The following XKR9 variants were observed in gnomAD, a reference collection of about 807,000 sequenced individuals.
XKR9 encodes the protein XK related 9, also known as XK-related protein 9.
A neutral mutation model predicts 32.0 loss-of-function variants in XKR9; 32 were observed. The observed-to-expected ratio is 1.00, with a 90% confidence interval of 0.76 to 1.34. XKR9 has a LOEUF of 1.34. XKR9 is among the 40% of genes most tolerant of loss of function. XKR9 has a pLI of 0.00. For synonymous variants in XKR9, 168 were observed against 143.4 expected (o/e 1.17, Z -1.22); for missense variants, 546 against 429.7 (o/e 1.27, Z -2.39).
chr8:70,942,484 G>A, the XKR9 span, among the ~76,000 whole-genome samples: 1 of 152,078 alleles, frequency 6.6e-6, no homozygotes, highest in Non-Finnish European at 1.5e-5. Flanking sequence ...TAGTCCAAGG[G>A]GTTGGGTGAA....
At chr8:70,744,247 G>T (rs572079169) in intron 2 of XKR9, among the ~76,000 whole-genome samples, 6 of 152,094 alleles carry the variant, frequency 3.9e-5, no homozygotes, top group Admixed American at 1.3e-4. Flanking sequence ...GGAGGCAGAA[G>T]CTGCAGTGAG....
chr8:70,800,418 A>G, the XKR9 span, among the ~76,000 whole-genome samples: 2 of 151,794 alleles, frequency 1.3e-5, no homozygotes, highest in Admixed American at 6.6e-5. Flanking sequence ...AGTTTTTTGG[A>G]ATATTTTTAG....
chr8:70,845,650 AG>A, the XKR9 span, among the ~76,000 whole-genome samples: 4 of 152,198 alleles, frequency 2.6e-5, no homozygotes, highest in South Asian at 8.3e-4. Flanking sequence ...GAAACAAAAA[AG>A]TCATTCAAGA....
At chr8:70,954,273 A>G in the XKR9 span, among the ~76,000 whole-genome samples, 18 of 152,186 alleles carry the variant, frequency 1.2e-4, no homozygotes, top group African/African-American at 4.3e-4. Flanking sequence ...TTTACCCCAG[A>G]GAGATGGGAG....
chr8:70,976,679 C>CT, the XKR9 span, among the ~76,000 whole-genome samples: 1 of 151,950 alleles, frequency 6.6e-6, no homozygotes, highest in Non-Finnish European at 1.5e-5. Context: ...CTAAAATTCT[C>CT]TTTTTTTGTT....
At chr8:70,907,124 T>C in the XKR9 span, among the ~76,000 whole-genome samples, 1 of 152,202 alleles carries the variant, frequency 6.6e-6, no homozygotes, top group Non-Finnish European at 1.5e-5. Context: ...AAAATGGATG[T>C]GTAAAATATG....
chr8:70,708,174 TG>T (rs1805785968), intron 4 of XKR9, among the ~76,000 whole-genome samples: 2 of 152,166 alleles, frequency 1.3e-5, no homozygotes, highest in African/African-American at 4.8e-5. Context: ...ATCTCTTTTT[TG>T]TGATGCAAAT....
chr8:70,700,955 C>G (rs924466023), intron 3 of XKR9, among the ~76,000 whole-genome samples: 1 of 152,198 alleles, frequency 6.6e-6, no homozygotes, highest in Non-Finnish European at 1.5e-5. Context: ...TGCTAGCAAT[C>G]AGCGAGACTC....
chr8:70,984,111 G>T, the XKR9 span, among the ~76,000 whole-genome samples: 2 of 152,232 alleles, frequency 1.3e-5, no homozygotes, highest in South Asian at 4.2e-4. Context: ...TCACTATGGG[G>T]GTGTCTTTCC....
At chr8:70,803,325 T>C in the XKR9 span, among the ~76,000 whole-genome samples, 3 of 152,194 alleles carry the variant, frequency 2.0e-5, no homozygotes, top group Non-Finnish European at 4.4e-5. Flanking sequence ...GGCCATTTAA[T>C]TTTTTATCTC....
the XKR9 span, among the ~76,000 whole-genome samples, chr8:70,890,123 T>A: frequency 6.6e-6 from 1 of 151,974 alleles, no homozygotes; most frequent in Non-Finnish European, 1.5e-5. Context: ...TTCTGAGTGA[T>A]GTGAGATGGT....
chr8:70,966,001 G>A, the XKR9 span, among the ~76,000 whole-genome samples: 2 of 152,004 alleles, frequency 1.3e-5, no homozygotes, highest in Admixed American at 6.6e-5. Context: ...TTTTAGTTGC[G>A]ATCTTAGGTT....
intron 2 of XKR9, among the ~76,000 whole-genome samples, chr8:70,784,915 G>T (rs887305947): frequency 6.6e-6 from 1 of 151,576 alleles, no homozygotes; most frequent in South Asian, 2.1e-4. Flanking sequence ...ATCATGAAAG[G>T]ATGTCGAATT....
intron 3 of XKR9, among the ~76,000 whole-genome samples, chr8:70,683,134 T>C (rs1479482155): frequency 6.6e-6 from 1 of 152,190 alleles, no homozygotes; most frequent in Non-Finnish European, 1.5e-5. Context: ...TAGTTTCTCT[T>C]AATTGCTTTG....
the XKR9 span, among the ~76,000 whole-genome samples, chr8:71,026,339 T>G: frequency 6.6e-6 from 1 of 152,230 alleles, no homozygotes; most frequent in Non-Finnish European, 1.5e-5. Flanking sequence ...AATCAATCTG[T>G]TTTTCCATTC....
chr8:70,858,729 A>C, the XKR9 span, among the ~76,000 whole-genome samples: 1 of 152,078 alleles, frequency 6.6e-6, no homozygotes, highest in Non-Finnish European at 1.5e-5. Flanking sequence ...GATTTTTGAC[A>C]AAGGTATCAA....
chr8:70,926,006 A>C, the XKR9 span, among the ~76,000 whole-genome samples: 32 of 152,230 alleles, frequency 2.1e-4, no homozygotes, highest in Non-Finnish European at 3.4e-4. Flanking sequence ...GTGGAACACT[A>C]ATGTCTTCAA....
chr8:70,723,887 CT>C (rs4008977), intron 4 of XKR9, among the ~76,000 whole-genome samples: 108 of 139,736 alleles, frequency 7.7e-4, no homozygotes, highest in Admixed American at 1.2e-3. Flanking sequence ...TAGGTGGGAA[CT>C]TTTTTTTTTT....
chr8:71,005,993 G>C, the XKR9 span, among the ~76,000 whole-genome samples: 1 of 152,226 alleles, frequency 6.6e-6, no homozygotes, highest in African/African-American at 2.4e-5. Context: ...ACACATCCTA[G>C]GGTTATTAGT....
Sources: gnomAD v4.1 joint callset for allele counts (sites outside exome capture counted in the v4.1 genomes callset) on GRCh38, gnomAD v4.1.1 for gene constraint, MANE v1.5 for transcripts, NCBI Gene and HGNC (gene_info 2026-07-23, HGNC 2026-07-21) for gene names.